Variants in MAGI2 observed in about 807,000 individuals in gnomAD.
MAGI2 encodes the protein membrane associated guanylate kinase, WW and PDZ domain containing 2.
Under a neutral mutation model 133.3 loss-of-function variants are expected in MAGI2, and 35 were observed. The ratio of observed to expected loss-of-function variants is 0.26; its 90% CI spans 0.20 to 0.35. The LOEUF (loss-of-function observed/expected upper bound fraction) is 0.35, where lower values mean the gene tolerates loss of function less well. Ranked by LOEUF, MAGI2 falls within the 10% of genes least tolerant of loss-of-function variation. The pLI, the probability that MAGI2 is intolerant of heterozygous loss-of-function variation, is 1.00. For missense variants in MAGI2, 1,636 were observed against 1,863.4 expected, an observed-to-expected ratio of 0.88 and a Z score of 2.25; for synonymous variants, 729 against 710.6, an observed-to-expected ratio of 1.03 and a Z score of -0.41.
At chr7:78,767,643 A>G (rs1374337082) in intron 2 of MAGI2, among the ~76,000 whole-genome samples, 1 of 152,248 alleles carries the variant, frequency 6.6e-6, no homozygotes, top group Non-Finnish European at 1.5e-5. Flanking sequence ...GGCCATTACT[A>G]CTTAAGATAT....
intron 2 of MAGI2, among the ~76,000 whole-genome samples, chr7:78,873,622 T>C (rs979490392): frequency 5.9e-5 from 9 of 152,098 alleles, no homozygotes; most frequent in African/African-American, 1.9e-4. Flanking sequence ...TTTCATTATA[T>C]ATTATGATAT....
chr7:78,378,653 AAT>A (rs1431689934), intron 6 of MAGI2, among the ~76,000 whole-genome samples: 4 of 151,934 alleles, frequency 2.6e-5, no homozygotes, highest in African/African-American at 9.7e-5. Context: ...TCATTGTGCA[AAT>A]ACACACACCC....
At chr7:79,334,010 A>C (rs533698455) in intron 1 of MAGI2, among the ~76,000 whole-genome samples, 20 of 152,324 alleles carry the variant, frequency 1.3e-4, no homozygotes, top group Admixed American at 5.9e-4. Flanking sequence ...TTACACTGCA[A>C]AAGAACAATG....
chr7:78,363,865 C>T (rs1793098659), intron 7 of MAGI2, among the ~76,000 whole-genome samples: 1 of 152,174 alleles, frequency 6.6e-6, no homozygotes, highest in South Asian at 2.1e-4. Flanking sequence ...GTTTCCTTAC[C>T]TATAAAATAG....
intron 2 of MAGI2, among the ~76,000 whole-genome samples, chr7:78,667,701 C>T (rs1299638445): frequency 1.3e-5 from 2 of 151,910 alleles, no homozygotes; most frequent in Non-Finnish European, 2.9e-5. Flanking sequence ...TCATCCATGT[C>T]CCTACAAAGG....
chr7:78,333,379 C>G lies in MAGI2; in HGVS notation c.1408+10399G>C, dbSNP rs546516681. Among the ~76,000 whole-genome samples the G allele has an allele frequency of 3.3e-5, 5 of 152,324 alleles. No homozygotes were observed. The South Asian group carries it at 1.0e-3, about 32-fold the overall frequency. On this transcript the variant is annotated intron_variant, in intron 9 of 21. Transcript: ENST00000354212. ...TCTGAAACAAAGCAGCCACAAGAAG[C>G]ATACTGCAGCAGATAAAAGATTACT... is the stretch of plus-strand genomic sequence containing the variant.
At chr7:78,611,534 C>T (rs1806439681) in intron 3 of MAGI2, among the ~76,000 whole-genome samples, 1 of 152,134 alleles carries the variant, frequency 6.6e-6, no homozygotes, top group South Asian at 2.1e-4. Context: ...AGACTTTTTA[C>T]TATCTTCTGC....
At chr7:79,056,132 C>T (rs1813127166) in intron 1 of MAGI2, among the ~76,000 whole-genome samples, 1 of 152,214 alleles carries the variant, frequency 6.6e-6, no homozygotes, top group African/African-American at 2.4e-5. Context: ...AATTTTATGG[C>T]CTGTAAACTC....
intron 14 of MAGI2, among the ~76,000 whole-genome samples, chr7:78,168,570 C>T (rs752917938): frequency 1.3e-5 from 2 of 152,112 alleles, no homozygotes; most frequent in African/African-American, 4.8e-5. Context: ...ATTCTGGCTC[C>T]GTTTCACAAT....
intron 1 of MAGI2, among the ~76,000 whole-genome samples, chr7:79,186,020 AT>A (rs1164462961): frequency 6.6e-6 from 1 of 151,314 alleles, no homozygotes; most frequent in African/African-American, 2.4e-5. Flanking sequence ...GTAATTTAAC[AT>A]TTTTTTGATA....
Position 79,058,701 on chromosome 7 carries a change from A to T in MAGI2, c.302-51495T>A, listed in dbSNP as rs114445507. On this transcript the variant is annotated intron_variant, in intron 1 of 21. Transcript: ENST00000354212. ...TAGGAGGTAGGAGAATAACAGAAAT[A>T]AATAAAAGGAAGGATATAAAAGTTA... is the stretch of plus-strand genomic sequence containing the variant. Among the ~76,000 whole-genome samples the T allele has an allele frequency of 6.9e-3, 1,048 of 152,296 alleles. 16 individuals carry two copies. Among genetic ancestry groups the T allele is most frequent in the African/African-American group, 0.024 (983 of 41,576 alleles).
intron 21 of MAGI2, chr7:78,078,614 T>C (rs1453864667): frequency 2.2e-6 from 1 of 455,968 alleles, no homozygotes; most frequent in East Asian, 3.8e-5. Flanking sequence ...AACAGTGGAC[T>C]ATCAGTCAAA....
intron 9 of MAGI2, among the ~76,000 whole-genome samples, chr7:78,279,774 G>A (rs762624026): frequency 1.3e-5 from 2 of 152,156 alleles, no homozygotes; most frequent in Non-Finnish European, 2.9e-5. Context: ...TACAGTTGTA[G>A]TTTAAGTGAG....
intron 2 of MAGI2, among the ~76,000 whole-genome samples, chr7:78,880,059 A>G (rs1795728297): frequency 1.3e-5 from 2 of 152,172 alleles, no homozygotes; most frequent in Non-Finnish European, 2.9e-5. Flanking sequence ...AGTCTTTGAG[A>G]AATGTGGGAT....
At chr7:79,343,065 G>A (rs748412881) in intron 1 of MAGI2, among the ~76,000 whole-genome samples, 48 of 152,104 alleles carry the variant, frequency 3.2e-4, no homozygotes, top group Admixed American at 9.2e-4. Context: ...TGCCCGGCCT[G>A]AGGAAGCACA....
intron 1 of MAGI2, among the ~76,000 whole-genome samples, chr7:79,254,791 G>C (rs1833569676): frequency 6.6e-6 from 1 of 152,136 alleles, no homozygotes; most frequent in South Asian, 2.1e-4. Flanking sequence ...TCAATCTAGA[G>C]TATTCAATAA....
intron 2 of MAGI2, among the ~76,000 whole-genome samples, chr7:78,814,208 G>A (rs527781969): frequency 6.6e-6 from 1 of 152,188 alleles, no homozygotes; most frequent in African/African-American, 2.4e-5. Flanking sequence ...ACCTCCTGGA[G>A]TTTATGCCTT....
chr7:78,321,305 C>T (rs4263678), intron 9 of MAGI2, among the ~76,000 whole-genome samples: 77,048 of 151,680 alleles, frequency 0.51, 21,626 homozygotes, highest in African/African-American at 0.75. Flanking sequence ...AGAGCCCTCA[C>T]AGCCAAGACA....
Position 78,884,879 on chromosome 7 carries a change from T to C in MAGI2, c.418+122211A>G, listed in dbSNP as rs75607416. Among the ~76,000 whole-genome samples, 984 of 152,310 alleles carry C rather than the reference T, an allele frequency of 6.5e-3. 12 individuals are homozygous for C. Among genetic ancestry groups the C allele is most frequent in the African/African-American group, 0.021 (893 of 41,562 alleles). ...AATGACACCTATACATGCATGTTTA[T>C]CATAGTACTATTCATAATAGCAAAT... On this transcript the variant is annotated intron_variant, in intron 2 of 21. Coordinates refer to ENST00000354212, the MANE Select transcript of MAGI2 (RefSeq NM_012301.4).
Sources: gnomAD v4.1 joint callset for allele counts (sites outside exome capture counted in the v4.1 genomes callset) on GRCh38, gnomAD v4.1.1 for gene constraint, MANE v1.5 for transcripts, NCBI Gene and HGNC (gene_info 2026-07-23, HGNC 2026-07-21) for gene names.